The following KCNN2 variants were observed in gnomAD, a reference collection of about 807,000 sequenced individuals.
The protein encoded by KCNN2 is small conductance calcium-activated potassium channel protein 2.
In KCNN2, 24 loss-of-function variants were observed where a neutral mutation model predicts 55.5. The observed-to-expected ratio is 0.43, with a 90% CI of 0.31 to 0.61. The LOEUF (loss-of-function observed/expected upper bound fraction) is 0.61, where lower values mean the gene tolerates loss of function less well. Among genes scored for constraint, KCNN2 ranks in the 20% least tolerant of loss-of-function variants. The pLI, the probability that KCNN2 is intolerant of heterozygous loss-of-function variation, is 0.08. For synonymous variants in KCNN2, 431 were observed against 336.1 expected (o/e 1.28, Z -3.09); for missense variants, 754 against 853.6 (o/e 0.88, Z 1.45).
At chr5:114,376,230 C>A (rs1757936932) in intron 2 of KCNN2, among the ~76,000 whole-genome samples, 1 of 152,016 alleles carries the variant, frequency 6.6e-6, no homozygotes, top group South Asian at 2.1e-4. Context: ...TCAAATGTGT[C>A]TTATACAAGT....
At chr5:114,476,877 T>C (rs1178816139) in intron 5 of KCNN2, among the ~76,000 whole-genome samples, 1 of 152,226 alleles carries the variant, frequency 6.6e-6, no homozygotes, top group African/African-American at 2.4e-5. Flanking sequence ...TATAGTCCTC[T>C]CATTATTTTA....
At chr5:114,282,925 A>G (rs569937649) in intron 2 of KCNN2, among the ~76,000 whole-genome samples, 1 of 152,284 alleles carries the variant, frequency 6.6e-6, no homozygotes, top group Non-Finnish European at 1.5e-5. Context: ...ATCACTGTCA[A>G]GGTATCAGTT....
chr5:114,386,829 T>C (rs938713559), intron 2 of KCNN2, among the ~76,000 whole-genome samples: 1 of 152,232 alleles, frequency 6.6e-6, no homozygotes. Flanking sequence ...AGTCTCTATT[T>C]ACTATCCCGC....
intron 1 of KCNN2, among the ~76,000 whole-genome samples, chr5:114,188,035 A>G (rs908381843): frequency 1.3e-5 from 2 of 149,762 alleles, no homozygotes; most frequent in East Asian, 3.9e-4. Flanking sequence ...CTGGTCTTGA[A>G]CTCCCGGCCT....
intron 3 of KCNN2, among the ~76,000 whole-genome samples, chr5:114,436,391 C>A (rs550380314): frequency 1.3e-5 from 2 of 152,102 alleles, no homozygotes; most frequent in African/African-American, 2.4e-5. Flanking sequence ...TTTTTGTTCC[C>A]CTTATGGAAT....
chr5:114,430,767 C>T (rs976709782), intron 3 of KCNN2, among the ~76,000 whole-genome samples: 1 of 151,926 alleles, frequency 6.6e-6, no homozygotes, highest in Non-Finnish European at 1.5e-5. Context: ...AGGAAATTCC[C>T]CTCTATTCTT....
At chr5:114,311,769 A>T (rs1756394405) in intron 2 of KCNN2, among the ~76,000 whole-genome samples, 1 of 152,156 alleles carries the variant, frequency 6.6e-6, no homozygotes, top group Admixed American at 6.6e-5. Flanking sequence ...CAATTTCAGT[A>T]CATTCAATTT....
intron 1 of KCNN2, among the ~76,000 whole-genome samples, chr5:114,129,680 G>A (rs543012307): frequency 6.6e-6 from 1 of 152,300 alleles, no homozygotes; most frequent in Non-Finnish European, 1.5e-5. Context: ...AGGTGACGAA[G>A]TGAATACCTG....
At chr5:114,355,432 A>G (rs1757279016) in intron 2 of KCNN2, among the ~76,000 whole-genome samples, 1 of 152,220 alleles carries the variant, frequency 6.6e-6, no homozygotes, top group South Asian at 2.1e-4. Context: ...CCTATGTTTT[A>G]GCACTGAGCA....
At chr5:114,109,392 G>C (rs1371572775) in intron 1 of KCNN2, among the ~76,000 whole-genome samples, 1 of 152,004 alleles carries the variant, frequency 6.6e-6, no homozygotes, top group Non-Finnish European at 1.5e-5. Context: ...TTATGCTCTT[G>C]GTTAGAAGGA....
chr5:114,372,117 G>T (rs1757776265), intron 2 of KCNN2, among the ~76,000 whole-genome samples: 1 of 152,192 alleles, frequency 6.6e-6, no homozygotes, highest in Admixed American at 6.5e-5. Flanking sequence ...CCTGTGTGTG[G>T]ATGATCTATG....
At chr5:114,360,931 T>G (rs1057497470), upstream of KCNN2, 17 of 152,860 alleles carry the variant, frequency 1.1e-4, no homozygotes, top group African/African-American at 4.1e-4. Context: ...CTTTGCTTTG[T>G]GTCTGCGCTG....
chr5:114,485,037 T>G (rs1217251966), intron 5 of KCNN2, among the ~76,000 whole-genome samples: 1 of 152,226 alleles, frequency 6.6e-6, no homozygotes, highest in African/African-American at 2.4e-5. Flanking sequence ...GAAGGAATCA[T>G]TTAAAATGCA....
chr5:114,246,612 T>C (rs757929042), intron 2 of KCNN2, among the ~76,000 whole-genome samples: 3 of 152,188 alleles, frequency 2.0e-5, no homozygotes, highest in African/African-American at 7.2e-5. Context: ...TTAGAGCTAC[T>C]GTACCTTTAT....
In KCNN2 at chr5:114,199,112, T is replaced by C. The variant is rs1580611515; in HGVS notation, c.-270-22368T>C. Among the ~76,000 whole-genome samples, 4 of 152,266 alleles carry C rather than the reference T, an allele frequency of 2.6e-5. 1 individual carries two copies. The highest frequency in any genetic ancestry group is 2.6e-4 in the Admixed American group (4 of 15,294). On this transcript the variant is annotated intron_variant, in intron 1 of 10. Coordinates refer to the KCNN2 transcript ENST00000512097. ...TTCATGAATTTGGATGCTTTGATAT[T>C]GGGTGCATATATATATAGGATTGTT...
chr5:114,285,917 C>CTTT, intron 2 of KCNN2, among the ~76,000 whole-genome samples: 1 of 134,732 alleles, frequency 7.4e-6, no homozygotes, highest in Non-Finnish European at 1.6e-5. Context: ...ATTTGGGAAG[C>CTTT]TTTTTTTTTT....
intron 3 of KCNN2, among the ~76,000 whole-genome samples, chr5:114,444,212 A>G (rs982599089): frequency 2.0e-5 from 3 of 152,092 alleles, no homozygotes; most frequent in Non-Finnish European, 4.4e-5. Context: ...CACAGGGCAT[A>G]TTGCTTTGAG....
intron 2 of KCNN2, among the ~76,000 whole-genome samples, chr5:114,396,667 G>A (rs192532626): frequency 4.2e-4 from 63 of 151,702 alleles, no homozygotes; most frequent in Non-Finnish European, 7.9e-4. Context: ...TCCTGCCTCA[G>A]CCTCCCGAGT....
At chr5:114,438,538 G>A (rs1760094131) in intron 3 of KCNN2, among the ~76,000 whole-genome samples, 1 of 152,158 alleles carries the variant, frequency 6.6e-6, no homozygotes, top group African/African-American at 2.4e-5. Flanking sequence ...AATTTATCTA[G>A]AAGATCTTTG....
Sources: allele counts gnomAD v4.1 joint callset (sites outside exome capture counted in the v4.1 genomes callset), GRCh38; gene constraint gnomAD v4.1.1; transcripts MANE v1.5; gene names NCBI Gene and HGNC (gene_info 2026-07-23, HGNC 2026-07-21).